NOMO2: variants seen among roughly 807,000 people sequenced by gnomAD.
The protein encoded by NOMO2 is BOS complex subunit NOMO2.
NOMO2 carries 14 observed loss-of-function variants against 67.1 expected under a neutral mutation model. That is an observed-to-expected ratio of 0.21 (90% confidence interval 0.14 to 0.33). The LOEUF is 0.33. Ranked by LOEUF, NOMO2 falls within the 10% of genes least tolerant of loss-of-function variation. The probability of loss-of-function intolerance (pLI) is 1.00; values close to 1 mark genes in which losing one functional copy is unlikely to be tolerated. For missense variants in NOMO2, 178 were observed against 761.0 expected (o/e 0.23, Z 9.01); for synonymous variants, 80 against 305.9 (o/e 0.26, Z 7.71).
intron 11 of NOMO2, among the ~76,000 whole-genome samples, chr16:18,537,106 G>C (rs1661096862): frequency 6.6e-6 from 1 of 152,002 alleles, no homozygotes; most frequent in Non-Finnish European, 1.5e-5. Flanking sequence ...ACATATTTGA[G>C]GTCCTGGCTG....
rs371764565 is a variant in NOMO2 at position 18,545,398 on chromosome 16, T to C, written c.583-1629A>G. Reference sequence around the variant, plus strand: ...CAGCATGAGCAACTGCACCCAGCCTTGAATAAAATATTTTTAAATGTTGCT... The same window carrying C: ...CAGCATGAGCAACTGCACCCAGCCTCGAATAAAATATTTTTAAATGTTGCT... On this transcript the variant is annotated intron_variant, in intron 6 of 30. Coordinates refer to ENST00000622306, the MANE Select transcript of NOMO2 (RefSeq NM_173614.4). Among the ~76,000 whole-genome samples the C allele has an allele frequency of 7.9e-5, 12 of 151,960 alleles. No homozygotes were observed. In the East Asian group the frequency reaches 9.7e-4, roughly 12 times the overall value.
At chr16:18,535,827 C>A (rs1283690450) in intron 11 of NOMO2, among the ~76,000 whole-genome samples, 1 of 151,964 alleles carries the variant, frequency 6.6e-6, no homozygotes, top group Non-Finnish European at 1.5e-5. Context: ...GACGGAATCT[C>A]ACCCTGTCGG....
At chr16:18,533,700 A>T (rs1417664651) in intron 11 of NOMO2, 1 of 154,068 alleles carries the variant, frequency 6.5e-6, no homozygotes, top group Admixed American at 6.4e-5. Context: ...GGAGATTGGA[A>T]CAGAAAAGGT....
intron 2 of NOMO2, among the ~76,000 whole-genome samples, chr16:18,556,744 G>A (rs1901913819): frequency 6.6e-6 from 1 of 152,100 alleles, no homozygotes; most frequent in South Asian, 2.1e-4. Context: ...GTGTGCTTGT[G>A]TGTATTTCCA....
At chr16:18,528,983 AAAAAAATACAT>A in intron 15 of NOMO2, among the ~76,000 whole-genome samples, 1 of 97,112 alleles carries the variant, frequency 1.0e-5, no homozygotes, top group African/African-American at 3.7e-5. Flanking sequence ...AAAAAAAAAA[AAAAAAATACAT>A]ATATATATAT....
At chr16:18,555,805 C>T (rs1275764199) in intron 2 of NOMO2, among the ~76,000 whole-genome samples, 4 of 78,354 alleles carry the variant, frequency 5.1e-5, no homozygotes, top group African/African-American at 1.9e-4. Flanking sequence ...GACGGGGTTG[C>T]ACCATGTTGC....
At chr16:18,552,444 T>TACAC (rs1237007712) in intron 3 of NOMO2, among the ~76,000 whole-genome samples, 1 of 79,854 alleles carries the variant, frequency 1.3e-5, no homozygotes, top group African/African-American at 4.1e-5. Flanking sequence ...TAAGATGAAT[T>TACAC]ACACACGTGC....
chr16:18,533,744 C>T (rs1333830058), intron 11 of NOMO2: 1 of 153,708 alleles, frequency 6.5e-6, no homozygotes, highest in East Asian at 1.9e-4. Flanking sequence ...TAAAATTGAA[C>T]TCCTTGGGAG....
intron 1 of NOMO2, 88 bp downstream of exon 1, chr16:18,561,788 C>T: frequency 7.0e-7 from 1 of 1,436,146 alleles, no homozygotes; most frequent in Non-Finnish European, 9.3e-7. Context: ...TCCACACCGC[C>T]CGGTGTCAGA....
intron 1 of NOMO2, among the ~76,000 whole-genome samples, chr16:18,561,173 T>TAAAAAAAAAAAAAAAA (rs756246897): frequency 2.8e-4 from 9 of 32,456 alleles, no homozygotes; most frequent in African/African-American, 4.9e-4. Flanking sequence ...ACAACTTAAT[T>TAAAAAAAAAAAAAAAA]AAAAAAAAAA....
At chr16:18,561,782 CA>C in intron 1 of NOMO2, 93 bp downstream of exon 1, 1 of 1,422,858 alleles carries the variant, frequency 7.0e-7, no homozygotes, top group Non-Finnish European at 9.4e-7. Context: ...AAGGACTCCA[CA>C]CCGCCCGGTG....
At position 18,559,811 on chromosome 16, in the gene NOMO2, A is replaced by C. The variant is rs199760280; in HGVS notation, c.166-2020T>G. On this transcript the variant is annotated intron_variant, in intron 1 of 30. Transcript: ENST00000622306. Reference sequence around the variant, plus strand: ...CGGCTGGTTTTCCAGAGAAATAAAGAACCCAGTTTTTAATGTGAAACCTGC... The same window carrying C: ...CGGCTGGTTTTCCAGAGAAATAAAGCACCCAGTTTTTAATGTGAAACCTGC... Among the ~76,000 whole-genome samples, 362 of 145,372 alleles carry C rather than the reference A, an allele frequency of 2.5e-3. 1 individual carries two copies. The highest frequency in any genetic ancestry group is 7.2e-3 in the African/African-American group (276 of 38,074).
rs1356052555 is a variant in NOMO2 at position 18,542,639 on chromosome 16, ATCT to A, written c.825_827del (p.Glu275del). 26 of 730,312 alleles carry A rather than the reference ATCT, an allele frequency of 3.6e-5. No individual in the cohort carries two copies. In the African/African-American group the frequency reaches 4.4e-4, roughly 12 times the overall value. 45.2% of individuals were successfully genotyped at this position (730,312 alleles called of 1,614,324 possible). ...GCAAGGAATAGAAAGAGAACGAGCC[ATCT>A]TCTCTGGAGACCGTGTAGCACAAAT... is the stretch of plus-strand genomic sequence containing the variant. On this transcript the variant is annotated inframe_deletion, in exon 8 of 31. Coordinates refer to ENST00000622306, the MANE Select transcript of NOMO2 (RefSeq NM_173614.4).
chr16:18,528,015 AG>A (rs1237987409), intron 15 of NOMO2: 7 of 483,534 alleles, frequency 1.4e-5, no homozygotes, highest in African/African-American at 1.3e-4. Flanking sequence ...ATCCCCACCT[AG>A]GGGTCTTTAG....
chr16:18,531,499 A>C lies in NOMO2; in HGVS notation c.1504T>G (p.Leu502Val). The C allele has an allele frequency of 6.2e-7, 1 of 1,609,718 alleles. No individual in the cohort carries two copies. The change falls in exon 13 of 31, where the codon TTG (leucine) becomes GTG (valine). Residue 502 changes from leucine to valine, a missense_variant. Transcript: ENST00000622306. ...GAGACTTTCCCAGAAACTGATGCCA[A>C]GAACTGTACAAAGGCCACATCCATC... ...PVMDVAFVQF[L>V]ASVSGKVSCL...
rs138766985 is a variant in NOMO2 at position 18,531,568 on chromosome 16, A to G, written c.1435T>C (p.Leu479=). The G allele has an allele frequency of 3.7e-6, 6 of 1,611,404 alleles. No individual in the cohort carries two copies. The highest frequency in any genetic ancestry group is 1.7e-4 in the Middle Eastern group (1 of 6,050). The change falls in exon 13 of 31, where the codon TTG becomes CTG. Residue 479 remains leucine, a synonymous_variant. Transcript: ENST00000622306. Reference sequence around the variant, plus strand: ...GTAAGAGGAAATGTCTGGGGTTTCAACGTCAGCCCTGCTCTGGTTTCTGCC... The same window carrying G: ...GTAAGAGGAAATGTCTGGGGTTTCAGCGTCAGCCCTGCTCTGGTTTCTGCC... ...PEAETRAGLT[L]KPQTFPLTVT... is the part of the protein sequence containing the mutation.
intron 12 of NOMO2, among the ~76,000 whole-genome samples, 167 bp from the exon 13 acceptor site, chr16:18,531,774 T>A (rs1032214194): frequency 6.6e-6 from 1 of 152,102 alleles, no homozygotes; most frequent in Non-Finnish European, 1.5e-5. Flanking sequence ...GAATAACTTG[T>A]GTGAAGTAAG....
In NOMO2 at chr16:18,560,559, G is replaced by T. The variant is rs557242593; in HGVS notation, c.165+1317C>A. 4.9e-4 allele frequency among the ~76,000 whole-genome samples: 75 copies of T among 151,794 alleles called. 1 individual carries two copies. The highest frequency in any genetic ancestry group is 1.7e-3 in the African/African-American group (72 of 41,374). Reference sequence around the variant, plus strand: ...AGAAACATGTACCCAGGAAATCCTAGGAGCCCTGCCGCTGCCAGTGGGTAT... The same window carrying T: ...AGAAACATGTACCCAGGAAATCCTATGAGCCCTGCCGCTGCCAGTGGGTAT... On this transcript the variant is annotated intron_variant, in intron 1 of 30. Transcript: ENST00000622306.
chr16:18,560,651 G>A (rs544476971), intron 1 of NOMO2, among the ~76,000 whole-genome samples: 1 of 151,886 alleles, frequency 6.6e-6, no homozygotes, highest in East Asian at 2.0e-4. Context: ...CCTTGAAGAA[G>A]ATCACGGATC....
Sources: gnomAD v4.1 joint callset for allele counts (sites outside exome capture counted in the v4.1 genomes callset) on GRCh38, gnomAD v4.1.1 for gene constraint, MANE v1.5 for transcripts, NCBI Gene and HGNC (gene_info 2026-07-23, HGNC 2026-07-21) for gene names.